SLC22A15: variants seen among roughly 807,000 people sequenced by gnomAD.
The protein encoded by SLC22A15 is solute carrier family 22 member 15, also known as flipt 1.
SLC22A15 carries 45 observed loss-of-function variants against 62.7 expected under a neutral mutation model. That is an observed-to-expected ratio of 0.72 (90% CI 0.56 to 0.92). SLC22A15 has a LOEUF of 0.92. Among genes scored for constraint, SLC22A15 ranks in the 40% least tolerant of loss-of-function variants. SLC22A15 has a pLI of 0.00. For synonymous variants in SLC22A15, 264 were observed against 267.0 expected (o/e 0.99, Z 0.11); for missense variants, 622 against 665.6 (o/e 0.93, Z 0.72).
At chr1:116,026,755 CTTT>C in intron 4 of SLC22A15, 135 bp from the exon 5 acceptor site, 3 of 841,062 alleles carry the variant, frequency 3.6e-6, no homozygotes, top group East Asian at 3.0e-5. Flanking sequence ...ATTTTTTTTT[CTTT>C]TCTGGTGTGC....
At chr1:116,039,469 G>A (rs1247448772) in intron 8 of SLC22A15, among the ~76,000 whole-genome samples, 3 of 152,098 alleles carry the variant, frequency 2.0e-5, no homozygotes, top group African/African-American at 7.2e-5. Context: ...GGAGCTGGAG[G>A]TTGCAGTGAG....
At chr1:116,021,877 C>T (rs1656855453) in intron 4 of SLC22A15, among the ~76,000 whole-genome samples, 1 of 152,126 alleles carries the variant, frequency 6.6e-6, no homozygotes, top group Non-Finnish European at 1.5e-5. Flanking sequence ...TTGATGACAC[C>T]CAGGTCATCT....
chr1:116,063,647 G>A (rs978191926), intron 9 of SLC22A15, among the ~76,000 whole-genome samples: 2 of 152,180 alleles, frequency 1.3e-5, no homozygotes, highest in Non-Finnish European at 2.9e-5. Context: ...CAGAGTGTCT[G>A]CAATTGGCTA....
intron 4 of SLC22A15, among the ~76,000 whole-genome samples, chr1:116,025,368 A>G (rs950105593): frequency 2.0e-5 from 3 of 152,196 alleles, no homozygotes; most frequent in African/African-American, 7.2e-5. Flanking sequence ...TTAAATTTCC[A>G]GGAAACTCAC....
rs75014926 is a variant in SLC22A15 at position 115,993,921 on chromosome 1, C to A, written c.300+1678C>A. Among the ~76,000 whole-genome samples, 51 of 152,230 alleles carry A rather than the reference C, an allele frequency of 3.4e-4. No individual in the cohort carries two copies. In the East Asian group the frequency reaches 9.3e-3, roughly 28 times the overall value. On this transcript the variant is annotated intron_variant, in intron 2 of 11. Transcript: ENST00000369503. ...GCATAACCTATTATTGTCAGGAAAG[C>A]CCTCACCGCTTGCCCTGGCTTCCAC...
intron 8 of SLC22A15, chr1:116,037,676 G>A: frequency 3.7e-6 from 1 of 267,160 alleles, no homozygotes; most frequent in Non-Finnish European, 7.1e-6. Context: ...ATGATGAGGA[G>A]GACTGATTAG....
At chr1:116,024,302 GT>G (rs1169668562) in intron 4 of SLC22A15, among the ~76,000 whole-genome samples, 9 of 152,152 alleles carry the variant, frequency 5.9e-5, no homozygotes, top group Non-Finnish European at 1.2e-4. Context: ...TTCATGGTCT[GT>G]ATTTGAAGAT....
chr1:115,980,641 T>G (rs563006349), intron 1 of SLC22A15, among the ~76,000 whole-genome samples: 1 of 151,666 alleles, frequency 6.6e-6, no homozygotes, highest in African/African-American at 2.4e-5. Context: ...ATTTGTTTCA[T>G]AAATATATAT....
At chr1:116,038,707 G>T (rs1657697204) in intron 8 of SLC22A15, among the ~76,000 whole-genome samples, 1 of 152,204 alleles carries the variant, frequency 6.6e-6, no homozygotes, top group Admixed American at 6.5e-5. Flanking sequence ...GTAAGACTGT[G>T]ATGGACTTCA....
rs1480467525 is a variant in SLC22A15, at chr1:116,055,193, ATAG to A, written c.1172-7568_1172-7566del. Among the ~76,000 whole-genome samples, 10 of 151,798 alleles carry A rather than the reference ATAG, an allele frequency of 6.6e-5. No individual in the cohort carries two copies. The East Asian group carries it at 1.6e-3, about 24-fold the overall frequency. Reference sequence around the variant, plus strand: ...AAAGAAAAAAAGAGAGAAGAATCAAATAGACGCAATAAAAAATGATAAAGGGGA... The same window carrying A: ...AAAGAAAAAAAGAGAGAAGAATCAAAACGCAATAAAAAATGATAAAGGGGA... On this transcript the variant is annotated intron_variant, in intron 8 of 11. Transcript: ENST00000369503.
At chr1:116,035,424 T>C (rs1260487749) in intron 7 of SLC22A15, 97 bp downstream of exon 7, 2 of 1,038,206 alleles carry the variant, frequency 1.9e-6, no homozygotes, top group Admixed American at 6.4e-5. Context: ...GTGTTGTCTT[T>C]GTATGCAGTA....
rs759127831 is a variant in SLC22A15 at position 115,992,184 on chromosome 1, G to A, written c.241G>A (p.Gly81Ser). ...TGGGGACTGGCTCCTGACAGCCAAC[G>A]GCAGTGAGATCCATAAGCACGTGCA... ...AFGDWLLTAN[G>S]SEIHKHVHFS... The change falls in exon 2 of 12, where the codon GGC (glycine) becomes AGC (serine). Residue 81 changes from glycine to serine, a missense_variant. Coordinates refer to ENST00000369503, the MANE Select transcript of SLC22A15 (RefSeq NM_018420.3). 6 of 1,610,706 alleles carry A rather than the reference G, an allele frequency of 3.7e-6. No individual in the cohort carries two copies. The highest frequency in any genetic ancestry group is 5.1e-6 in the Non-Finnish European group (6 of 1,178,388).
At chr1:116,008,942 G>A (rs1656115386) in intron 2 of SLC22A15, among the ~76,000 whole-genome samples, 1 of 152,088 alleles carries the variant, frequency 6.6e-6, no homozygotes. Flanking sequence ...CCTGGCCAGT[G>A]TTCCACCCCC....
chr1:115,993,428 A>AGAGTGTGTGTGTGTGTGTGTGT, intron 2 of SLC22A15, among the ~76,000 whole-genome samples: 1 of 143,566 alleles, frequency 7.0e-6, no homozygotes, highest in East Asian at 2.1e-4. Context: ...AGTGTGTGAG[A>AGAGTGTGTGTGTGTGTGTGTGT]GTGTGTGTGT....
chr1:116,047,341 C>T (rs977710487), intron 8 of SLC22A15, among the ~76,000 whole-genome samples: 8 of 152,172 alleles, frequency 5.3e-5, no homozygotes, highest in African/African-American at 9.6e-5. Context: ...GCAGAAGAAT[C>T]GCTTGAACCC....
intron 4 of SLC22A15, among the ~76,000 whole-genome samples, chr1:116,023,628 T>C (rs1396984273): frequency 1.3e-5 from 2 of 152,222 alleles, no homozygotes; most frequent in East Asian, 3.8e-4. Flanking sequence ...GGGAGGTTCT[T>C]GCTCTCATGG....
Position 116,058,656 on chromosome 1 carries a change from T to A in SLC22A15, c.1172-4106T>A, listed in dbSNP as rs541557132. On this transcript the variant is annotated intron_variant, in intron 8 of 11. Coordinates refer to ENST00000369503, the MANE Select transcript of SLC22A15 (RefSeq NM_018420.3). ...AAAAGAAATCATTATTCAAAAAAGA[T>A]ACTTGCACATGCATGTTTATAGCAG... Among the ~76,000 whole-genome samples, 40 of 152,324 alleles carry A rather than the reference T, an allele frequency of 2.6e-4. No homozygotes were observed. The South Asian group carries it at 8.3e-3, about 32-fold the overall frequency.
At chr1:116,001,681 TC>T (rs1466828700) in intron 2 of SLC22A15, among the ~76,000 whole-genome samples, 5 of 152,160 alleles carry the variant, frequency 3.3e-5, no homozygotes, top group Admixed American at 3.3e-4. Flanking sequence ...TCTGCTTGAT[TC>T]CTTTTATTTC....
chr1:116,050,781 C>A (rs1163352878), intron 8 of SLC22A15, among the ~76,000 whole-genome samples: 1 of 152,150 alleles, frequency 6.6e-6, no homozygotes, highest in Non-Finnish European at 1.5e-5. Flanking sequence ...GGAAGTCAAA[C>A]TGTCACCGTT....
Sources: allele counts gnomAD v4.1 joint callset (sites outside exome capture counted in the v4.1 genomes callset), GRCh38; gene constraint gnomAD v4.1.1; transcripts MANE v1.5; gene names NCBI Gene and HGNC (gene_info 2026-07-23, HGNC 2026-07-21).